The following RPH3AL variants were observed in gnomAD, a reference collection of about 807,000 sequenced individuals.
The protein encoded by RPH3AL is rab effector Noc2.
A neutral mutation model predicts 43.1 loss-of-function variants in RPH3AL; 38 were observed. The observed-to-expected ratio is 0.88, with a 90% confidence interval of 0.68 to 1.15. RPH3AL has a LOEUF of 1.15. Ranked by LOEUF, RPH3AL falls within the 50% of genes most tolerant of loss-of-function variation. The pLI, the probability that RPH3AL is intolerant of heterozygous loss-of-function variation, is 0.00. For missense variants in RPH3AL, 462 were observed against 423.2 expected (o/e 1.09, Z -0.81); for synonymous variants, 189 against 176.3 (o/e 1.07, Z -0.57).
At chr17:338,312 C>A (rs1306345121) in intron 1 of RPH3AL, among the ~76,000 whole-genome samples, 1 of 151,884 alleles carries the variant, frequency 6.6e-6, no homozygotes, top group Non-Finnish European at 1.5e-5. Flanking sequence ...AAATTTAAAA[C>A]TTAGCTGGGC....
rs925898411 is a variant in RPH3AL, at chr17:310,323, C to T, written c.351+9097G>A. Among the ~76,000 whole-genome samples the T allele has an allele frequency of 4.6e-5, 7 of 152,166 alleles. No individual in the cohort carries two copies. In the South Asian group the frequency reaches 1.2e-3, roughly 27 times the overall value. ...GACGCAGCTCCGAGGACCGGCATCT[C>T]GGCTTCCACCCACAAGCTCATTAGC... On this transcript the variant is annotated intron_variant, in intron 5 of 9. Coordinates refer to ENST00000331302, the MANE Select transcript of RPH3AL (RefSeq NM_006987.4).
At chr17:321,741 GC>G (rs1477608307) in intron 3 of RPH3AL, 9 of 305,416 alleles carry the variant, frequency 2.9e-5, no homozygotes. Context: ...TGTGCAGGGG[GC>G]AAGGCACGCG....
At chr17:256,186 G>C (rs1252914696) in intron 6 of RPH3AL, among the ~76,000 whole-genome samples, 1 of 28,256 alleles carries the variant, frequency 3.5e-5, no homozygotes, top group African/African-American at 7.9e-5. Context: ...TATGAGGGGA[G>C]CTGCACGGCG....
At chr17:233,838 T>TA (rs2041287369) in intron 7 of RPH3AL, among the ~76,000 whole-genome samples, 4 of 148,582 alleles carry the variant, frequency 2.7e-5, no homozygotes, top group African/African-American at 1.0e-4. Context: ...AGCGGCTACT[T>TA]CCCCTGACCA....
At chr17:231,625 G>A (rs569788642) in intron 7 of RPH3AL, among the ~76,000 whole-genome samples, 28 of 152,298 alleles carry the variant, frequency 1.8e-4, no homozygotes, top group African/African-American at 6.5e-4. Flanking sequence ...GGAGATGGAC[G>A]TGCTTCACTG....
rs1393139694 is a variant in RPH3AL, at chr17:264,984, A to G, written c.438+16784T>C. 2.6e-5 allele frequency among the ~76,000 whole-genome samples: 4 copies of G among 152,224 alleles called. No individual in the cohort carries two copies. The highest frequency in any genetic ancestry group is 5.9e-5 in the Non-Finnish European group (4 of 68,034). Reference sequence around the variant, plus strand: ...AGATATAAAAGAATCAGTTAACAAAACAAATCTGACCCAAAATTCCAGATT... The same window carrying G: ...AGATATAAAAGAATCAGTTAACAAAGCAAATCTGACCCAAAATTCCAGATT... On this transcript the variant is annotated intron_variant, in intron 6 of 9. Transcript: ENST00000331302. This position sits in a 1 kb window ranked among gnomAD's most constrained non-coding sequence, Gnocchi z 4.8.
intron 5 of RPH3AL, among the ~76,000 whole-genome samples, chr17:294,141 G>A (rs184787581): frequency 2.0e-5 from 3 of 152,306 alleles, no homozygotes; most frequent in Admixed American, 1.3e-4. Context: ...CAGCATCTGT[G>A]GAGGACACAG....
In RPH3AL at chr17:333,836, A is replaced by G. The variant is rs1012875253; in HGVS notation, c.-114T>C. On this transcript the variant is annotated 5_prime_UTR_variant, in exon 2 of 10. Coordinates refer to ENST00000331302, the MANE Select transcript of RPH3AL (RefSeq NM_006987.4). This position sits in a 1 kb window ranked among gnomAD's most constrained non-coding sequence, Gnocchi z 4.5. The stretch of plus-strand genomic sequence containing the variant: ...TGCTTGCTGTCTCCAAAGTGCACGT[A>G]CAAGTGTCCACTACACAAATTCTGC... 1 of 157,086 alleles carries G rather than the reference A, an allele frequency of 6.4e-6. No homozygotes were observed. The highest frequency in any genetic ancestry group is 2.4e-5 in the African/African-American group (1 of 41,532). 9.7% of individuals were successfully genotyped at this position (157,086 alleles called of 1,614,324 possible). A position where few individuals can be genotyped will look rare whatever the true frequency, so the allele number is the denominator to read the frequency against.
In RPH3AL at chr17:213,704, GC is replaced by G. The variant is rs1364884760; in HGVS notation, c.*147del. Reference sequence around the variant, plus strand: ...GAGAAGGGGTGCAGAAAGGCACTGAGCTGGGGAGGCAGACGGCTCCCAACAC... The same window carrying G: ...GAGAAGGGGTGCAGAAAGGCACTGAGTGGGGAGGCAGACGGCTCCCAACAC... On this transcript the variant is annotated 3_prime_UTR_variant, in exon 10 of 10. Coordinates refer to ENST00000331302, the MANE Select transcript of RPH3AL (RefSeq NM_006987.4). 3 of 694,404 alleles carry G rather than the reference GC, an allele frequency of 4.3e-6. No individual in the cohort carries two copies. The highest frequency in any genetic ancestry group is 3.7e-4 in the Middle Eastern group (1 of 2,676). 43.0% of individuals were successfully genotyped at this position (694,404 alleles called of 1,614,324 possible).
chr17:281,913 G>A, intron 5 of RPH3AL, 59 bp from the exon 6 acceptor site: 1 of 1,332,996 alleles, frequency 7.5e-7, no homozygotes, highest in Non-Finnish European at 1.1e-6. Flanking sequence ...TCCGCCGAGG[G>A]GCTCAGACAA....
chr17:348,254 A>G (rs999150994), intron 1 of RPH3AL, among the ~76,000 whole-genome samples: 1 of 152,188 alleles, frequency 6.6e-6, no homozygotes, highest in Non-Finnish European at 1.5e-5. Flanking sequence ...AAGGATGAGG[A>G]CATGGATTGC....
rs571476805 is a variant in RPH3AL, at chr17:285,991, G to T, written c.352-4137C>A. 1.1e-4 allele frequency among the ~76,000 whole-genome samples: 16 copies of T among 152,336 alleles called. No homozygotes were observed. In the South Asian group the frequency reaches 3.1e-3, roughly 30 times the overall value. On this transcript the variant is annotated intron_variant, in intron 5 of 9. Transcript: ENST00000331302. ...CACGGATGAACAGGGTGGGGCCCAG[G>T]CCCCACTGTGCACCCCGGGATGCCC...
chr17:243,827 C>T (rs918830110), intron 7 of RPH3AL, among the ~76,000 whole-genome samples: 1 of 149,934 alleles, frequency 6.7e-6, no homozygotes, highest in Non-Finnish European at 1.5e-5. Context: ...GATTACCCTT[C>T]CTCTATTGAT....
chr17:236,393 G>A (rs543270323), intron 7 of RPH3AL, among the ~76,000 whole-genome samples: 1 of 152,370 alleles, frequency 6.6e-6, no homozygotes, highest in East Asian at 1.9e-4. Context: ...TCTGCTCTGG[G>A]TCTGGGAGAA....
At chr17:242,034 T>C (rs935892004) in intron 7 of RPH3AL, among the ~76,000 whole-genome samples, 1 of 152,056 alleles carries the variant, frequency 6.6e-6, no homozygotes, top group Non-Finnish European at 1.5e-5. Context: ...TGAGAATTGC[T>C]TGAATCCAAA....
intron 7 of RPH3AL, among the ~76,000 whole-genome samples, chr17:223,233 A>G (rs1302133056): frequency 6.6e-6 from 1 of 151,872 alleles, no homozygotes; most frequent in East Asian, 1.9e-4. Flanking sequence ...CTCGGTTTTC[A>G]TGAAACAATT....
chr17:325,306 C>T (rs1328874220), intron 3 of RPH3AL, among the ~76,000 whole-genome samples: 2 of 152,172 alleles, frequency 1.3e-5, no homozygotes, highest in African/African-American at 4.8e-5. Context: ...TATTACGAGA[C>T]AACATGAAAC....
At chr17:337,243 C>T (rs1039712995) in intron 1 of RPH3AL, among the ~76,000 whole-genome samples, 11 of 151,788 alleles carry the variant, frequency 7.2e-5, no homozygotes, top group Non-Finnish European at 1.0e-4. Context: ...CCTCCCAAGT[C>T]GCTAGAACTA....
rs189731238 is a variant in RPH3AL at position 299,904 on chromosome 17, G to C, written c.352-18050C>G. The stretch of plus-strand genomic sequence containing the variant: ...ACTGAGCCTAGGGGGCAGGTGTCCC[G>C]GGGGAGAAGGAGTCCCTGCAGGACA... On this transcript the variant is annotated intron_variant, in intron 5 of 9. Transcript: ENST00000331302. Among the ~76,000 whole-genome samples, 287 of 152,342 alleles carry C rather than the reference G, an allele frequency of 1.9e-3. 2 individuals are homozygous for C. The highest frequency in any genetic ancestry group is 6.6e-3 in the African/African-American group (274 of 41,578).
Sources: gnomAD v4.1 joint callset for allele counts (sites outside exome capture counted in the v4.1 genomes callset) on GRCh38, gnomAD v4.1.1 for gene constraint, Gnocchi (gnomAD v3.1) non-coding constraint, MANE v1.5 for transcripts, NCBI Gene and HGNC (gene_info 2026-07-23, HGNC 2026-07-21) for gene names.